The following PCP4 variants were observed in gnomAD, a reference collection of about 807,000 sequenced individuals.
PCP4 encodes the protein Purkinje cell protein 4.
Under a neutral mutation model 10.0 loss-of-function variants are expected in PCP4, and 8 were observed. That is an observed-to-expected ratio of 0.80 (90% confidence interval 0.47 to 1.45). The LOEUF (loss-of-function observed/expected upper bound fraction) is 1.45, where lower values mean the gene tolerates loss of function less well. Ranked by LOEUF, PCP4 falls within the 40% of genes most tolerant of loss-of-function variation. PCP4 has a pLI of 0.00. For synonymous variants in PCP4, 21 were observed against 23.0 expected (o/e 0.91, Z 0.24); for missense variants, 54 against 74.4 (o/e 0.73, Z 1.01).
chr21:39,889,089 G>A (rs888889712), intron 1 of PCP4, among the ~76,000 whole-genome samples: 1 of 152,172 alleles, frequency 6.6e-6, no homozygotes, highest in Non-Finnish European at 1.5e-5. Flanking sequence ...ACGCCTCTGT[G>A]AGCCAGGGGC....
At chr21:39,885,269 G>A (rs1043570982) in intron 1 of PCP4, among the ~76,000 whole-genome samples, 1 of 152,166 alleles carries the variant, frequency 6.6e-6, no homozygotes, top group Non-Finnish European at 1.5e-5. Flanking sequence ...CTGCTCCAGG[G>A]GGCTATTCAA....
At chr21:39,871,735 T>G (rs769703157) in intron 1 of PCP4, among the ~76,000 whole-genome samples, 120 of 152,330 alleles carry the variant, frequency 7.9e-4, no homozygotes, top group Non-Finnish European at 1.3e-3. Context: ...GGCCGATGAT[T>G]GTTAAGAGTT....
chr21:39,883,592 C>G (rs901806722), intron 1 of PCP4: 1 of 152,206 alleles, frequency 6.6e-6, no homozygotes, highest in African/African-American at 2.4e-5. Flanking sequence ...TGACACAAAT[C>G]TCAGTATTCT....
intron 1 of PCP4, among the ~76,000 whole-genome samples, chr21:39,875,703 A>G (rs992773686): frequency 3.3e-5 from 5 of 152,248 alleles, no homozygotes; most frequent in South Asian, 2.1e-4. Flanking sequence ...ACTATGGAAT[A>G]GTGTCCACAA....
intron 2 of PCP4, among the ~76,000 whole-genome samples, chr21:39,919,543 C>T (rs933365715): frequency 2.6e-5 from 4 of 152,212 alleles, no homozygotes; most frequent in African/African-American, 9.7e-5. Context: ...AATTTCTGAT[C>T]TACAGCATTA....
intron 2 of PCP4, among the ~76,000 whole-genome samples, chr21:39,921,179 C>A (rs1229112931): frequency 6.6e-6 from 1 of 152,166 alleles, no homozygotes; most frequent in Non-Finnish European, 1.5e-5. Context: ...AGCTGGTTGA[C>A]TGTATTATGT....
At chr21:39,917,579 T>C (rs949764107) in intron 2 of PCP4, among the ~76,000 whole-genome samples, 1 of 152,160 alleles carries the variant, frequency 6.6e-6, no homozygotes, top group Admixed American at 6.5e-5. Context: ...ACAAACTGTG[T>C]CCCTGCACAT....
At chr21:39,905,664 G>A (rs929275203) in intron 2 of PCP4, among the ~76,000 whole-genome samples, 22 of 152,138 alleles carry the variant, frequency 1.4e-4, no homozygotes, top group African/African-American at 4.6e-4. Flanking sequence ...GATCAGTCTT[G>A]GGTGTGAAAG....
chr21:39,898,865 G>C (rs1175616889), intron 2 of PCP4, among the ~76,000 whole-genome samples: 1 of 152,212 alleles, frequency 6.6e-6, no homozygotes, highest in Non-Finnish European at 1.5e-5. Context: ...GATCAAACGA[G>C]ATAAGTGATT....
At chr21:39,893,128 A>G (rs971361206) in intron 1 of PCP4, among the ~76,000 whole-genome samples, 4 of 152,066 alleles carry the variant, frequency 2.6e-5, no homozygotes, top group African/African-American at 9.6e-5. Context: ...CCACCTTCCC[A>G]TCCTCTCTCT....
chr21:39,902,540 T>C (rs1319244566), intron 2 of PCP4, among the ~76,000 whole-genome samples: 1 of 152,220 alleles, frequency 6.6e-6, no homozygotes, highest in Non-Finnish European at 1.5e-5. Context: ...TTTGTTATTG[T>C]TGTCAACATG....
chr21:39,924,458 TC>T (rs1184218665), intron 2 of PCP4, among the ~76,000 whole-genome samples: 3 of 152,094 alleles, frequency 2.0e-5, no homozygotes, highest in African/African-American at 7.2e-5. Context: ...GCGGAGAGTA[TC>T]TAGGTGTGAG....
intron 2 of PCP4, among the ~76,000 whole-genome samples, chr21:39,925,066 C>T (rs2087614461): frequency 2.0e-5 from 3 of 152,226 alleles, no homozygotes; most frequent in Admixed American, 2.0e-4. Context: ...CTCTTCTCTC[C>T]ATTCAGCCTT....
At chr21:39,927,980 C>T (rs1234366794) in intron 2 of PCP4, among the ~76,000 whole-genome samples, 5 of 152,122 alleles carry the variant, frequency 3.3e-5, no homozygotes, top group South Asian at 2.1e-4. Context: ...AAAAGAAAAA[C>T]GATGCCTTTG....
intron 2 of PCP4, among the ~76,000 whole-genome samples, chr21:39,911,328 C>T (rs2087539043): frequency 6.6e-6 from 1 of 152,074 alleles, no homozygotes; most frequent in Non-Finnish European, 1.5e-5. Flanking sequence ...AACTATCTGA[C>T]AGTAAAACAG....
chr21:39,872,647 A>C (rs1015578028), intron 1 of PCP4, among the ~76,000 whole-genome samples: 2 of 152,222 alleles, frequency 1.3e-5, no homozygotes, highest in Non-Finnish European at 2.9e-5. Flanking sequence ...CAGACTGTGA[A>C]CTTCCCAAAA....
At chr21:39,892,595 G>A (rs981899027) in intron 1 of PCP4, among the ~76,000 whole-genome samples, 4 of 151,908 alleles carry the variant, frequency 2.6e-5, no homozygotes, top group Non-Finnish European at 4.4e-5. Context: ...TACATAGTAG[G>A]TGTATATATT....
intron 1 of PCP4, among the ~76,000 whole-genome samples, chr21:39,879,357 A>T (rs561269266): frequency 6.6e-6 from 1 of 152,110 alleles, no homozygotes; most frequent in African/African-American, 2.4e-5. Context: ...CTTCAAGTTC[A>T]TAGTTATTTT....
In PCP4 at chr21:39,886,418, TAAATCTACTAAAATAC is replaced by T. The variant is rs551629030; in HGVS notation, c.10-12044_10-12029del. ...ACTAGTAAAATACTAGTAAAAATAC[TAAATCTACTAAAATAC>T]AAATCTACTAAAAATACAAAATTAG... On this transcript the variant is annotated intron_variant, in intron 1 of 2. Transcript: ENST00000328619. Among the ~76,000 whole-genome samples the T allele has an allele frequency of 1.6e-4, 25 of 152,284 alleles. No homozygotes were observed. In the South Asian group the frequency reaches 4.6e-3, roughly 28 times the overall value.
Sources: gnomAD v4.1 joint callset for allele counts (sites outside exome capture counted in the v4.1 genomes callset) on GRCh38, gnomAD v4.1.1 for gene constraint, MANE v1.5 for transcripts, NCBI Gene and HGNC (gene_info 2026-07-23, HGNC 2026-07-21) for gene names.